Variants in BLM observed in about 807,000 individuals in gnomAD.
The protein encoded by BLM is BLM RecQ like helicase.
A neutral mutation model predicts 135.3 loss-of-function variants in BLM; 95 were observed. The ratio of observed to expected loss-of-function variants is 0.70; its 90% CI spans 0.59 to 0.83. The LOEUF (loss-of-function observed/expected upper bound fraction) is 0.83, where lower values mean the gene tolerates loss of function less well. BLM is among the 40% of genes least tolerant of loss of function. The pLI is 0.00. For missense variants in BLM, 1,518 were observed against 1,663.9 expected (o/e 0.91, Z 1.53); for synonymous variants, 520 against 589.2 (o/e 0.88, Z 1.70).
rs970793829 is a variant in BLM, at chr15:90,749,502, C to T, written c.234C>T (p.Pro78=). The T allele has an allele frequency of 6.2e-7, 1 of 1,614,088 alleles. No homozygotes were observed. Among genetic ancestry groups the T allele is most frequent in the East Asian group, 2.2e-5 (1 of 44,874 alleles). ...ACTTTTCCTTCAGTGAACCTCTACC[C>T]AACACCACAAATCAGCAAAGGGTCA... The part of the protein sequence containing the change: ...TEDFSFSEPL[P]NTTNQQRVKD... Residue 78 remains proline (P), a synonymous_variant, in exon 3 of 22, where the codon CCC becomes CCT. Transcript: ENST00000355112.
chr15:90,806,178 G>A (rs887280438), intron 19 of BLM, among the ~76,000 whole-genome samples: 11 of 152,006 alleles, frequency 7.2e-5, no homozygotes, highest in African/African-American at 2.4e-4. Flanking sequence ...AATATAGTTG[G>A]CATCTTAGAT....
rs914105759 is a variant in BLM, at chr15:90,746,990, G to A, written c.-4-399G>A. On this transcript the variant is annotated intron_variant, in intron 1 of 21. Transcript: ENST00000355112. ...TATTCATTTGTTCTTTGGGCTTTCC[G>A]TGTGCTTTGATCATTTCCTCCCACC... Among the ~76,000 whole-genome samples the A allele has an allele frequency of 2.6e-5, 4 of 151,914 alleles. No individual in the cohort carries two copies. The South Asian group carries it at 6.2e-4, about 24-fold the overall frequency.
At chr15:90,756,225 T>A (rs1895814833) in intron 5 of BLM, among the ~76,000 whole-genome samples, 1 of 151,994 alleles carries the variant, frequency 6.6e-6, no homozygotes, top group Non-Finnish European at 1.5e-5. Context: ...TGCCTCAGCC[T>A]CCTGATTAGC....
chr15:90,766,880 A>G, intron 9 of BLM, 30 bp from the exon 10 acceptor site: 4 of 1,410,026 alleles, frequency 2.8e-6, no homozygotes, highest in South Asian at 1.2e-5. Flanking sequence ...AATGTATAAA[A>G]TTGAAATTGT....
At chr15:90,777,227 C>T (rs1042325048) in intron 12 of BLM, among the ~76,000 whole-genome samples, 1 of 152,184 alleles carries the variant, frequency 6.6e-6, no homozygotes, top group Non-Finnish European at 1.5e-5. Context: ...CAGTAGCTCA[C>T]CGCAACCTCC....
intron 4 of BLM, among the ~76,000 whole-genome samples, chr15:90,753,049 T>G (rs1025682897): frequency 6.6e-6 from 1 of 152,212 alleles, no homozygotes; most frequent in African/African-American, 2.4e-5. Context: ...TATAATCATT[T>G]TAACAAGGAT....
chr15:90,780,277 G>T (rs1896587062), intron 12 of BLM, among the ~76,000 whole-genome samples: 1 of 152,066 alleles, frequency 6.6e-6, no homozygotes, highest in South Asian at 2.1e-4. Context: ...TAGAGACAGG[G>T]TTTCACCATG....
At chr15:90,806,354 T>A (rs1402407094) in intron 19 of BLM, among the ~76,000 whole-genome samples, 1 of 151,992 alleles carries the variant, frequency 6.6e-6, no homozygotes, top group Admixed American at 6.6e-5. Context: ...CTACTAAGAA[T>A]ACAAAAATTA....
At chr15:90,811,491 T>A in intron 21 of BLM, 85 bp downstream of exon 21, 1 of 1,407,448 alleles carries the variant, frequency 7.1e-7, no homozygotes, top group African/African-American at 1.4e-5. Context: ...TTTGAAGGAT[T>A]TATTAAAATA....
Position 90,815,617 on chromosome 15 carries a change from C to A in BLM, c.*338C>A. On this transcript the variant is annotated 3_prime_UTR_variant, in exon 22 of 22. Transcript: ENST00000355112. The surrounding 1 kb of genome is among the most constrained non-coding windows in gnomAD (Gnocchi z 4.6). ...GGGCCCTTGTGAAACTAAAGCTTTT[C>A]GTGTAAGACAACACAAACAAAATTT... The A allele has an allele frequency of 3.2e-6, 1 of 313,686 alleles. No homozygotes were observed. Among genetic ancestry groups the A allele is most frequent in the Non-Finnish European group, 6.0e-6 (1 of 167,276 alleles). The allele number at this position is 313,686 out of a possible 1,614,324, so 19.4% of individuals were successfully genotyped here.
At chr15:90,773,482 A>C (rs1336131205) in intron 12 of BLM, among the ~76,000 whole-genome samples, 1 of 151,524 alleles carries the variant, frequency 6.6e-6, no homozygotes, top group Non-Finnish European at 1.5e-5. Context: ...CATACCATAA[A>C]ATTCACCTAA....
intron 1 of BLM, among the ~76,000 whole-genome samples, chr15:90,731,226 A>G (rs539708555): frequency 6.6e-6 from 1 of 152,306 alleles, no homozygotes; most frequent in African/African-American, 2.4e-5. Flanking sequence ...GGTGTGAGTC[A>G]TCATGCCCGT....
intron 13 of BLM, 94 bp downstream of exon 13, chr15:90,783,022 T>C: frequency 9.9e-7 from 1 of 1,006,670 alleles, no homozygotes; most frequent in Admixed American, 2.0e-5. Flanking sequence ...AACATTCCTT[T>C]TTGCATTATG....
intron 14 of BLM, chr15:90,790,196 G>A (rs1332587794): frequency 4.7e-6 from 1 of 214,994 alleles, no homozygotes; most frequent in African/African-American, 2.3e-5. Flanking sequence ...CTGAACCATT[G>A]GAGGAACTAG....
At chr15:90,793,350 G>A (rs1896953559) in intron 15 of BLM, among the ~76,000 whole-genome samples, 4 of 152,014 alleles carry the variant, frequency 2.6e-5, no homozygotes, top group Non-Finnish European at 5.9e-5. Context: ...GGCCAGGCTG[G>A]TCTCAAGCTC....
rs1050583942 is a variant in BLM at position 90,749,658 on chromosome 15, A to G, written c.390A>G (p.Lys130=). The change falls in exon 3 of 22, where the codon AAA becomes AAG. Residue 130 remains lysine, a synonymous_variant. Coordinates refer to ENST00000355112, the MANE Select transcript of BLM (RefSeq NM_000057.4). The part of the protein sequence containing the change: ...CTTQNTPTVK[K]SRDTALKKLE... ...CCCAAAACACACCAACTGTAAAGAAATCCCGGGATACTGCTCTCAAGAAAT... is the reference window on the plus strand; with the variant it reads ...CCCAAAACACACCAACTGTAAAGAAGTCCCGGGATACTGCTCTCAAGAAAT... 4 of 1,614,168 alleles carry G rather than the reference A, an allele frequency of 2.5e-6. No homozygotes were observed. The highest frequency in any genetic ancestry group is 3.4e-6 in the Non-Finnish European group (4 of 1,180,020).
Position 90,731,283 on chromosome 15 carries a change from A to G in BLM, c.-5+13843A>G, listed in dbSNP as rs112213246. ...ATGGCTAGATTTACTTTGCTAACAT[A>G]TTGTTTGGGACTTTTGCATCTACAT... On this transcript the variant is annotated intron_variant, in intron 1 of 21. Transcript: ENST00000355112. Among the ~76,000 whole-genome samples the G allele has an allele frequency of 1.9e-3, 293 of 152,224 alleles. 3 individuals carry two copies. The highest frequency in any genetic ancestry group is 6.8e-3 in the African/African-American group (284 of 41,530).
chr15:90,783,832 A>T (rs1204335740), intron 13 of BLM, among the ~76,000 whole-genome samples: 1 of 152,206 alleles, frequency 6.6e-6, no homozygotes, highest in Non-Finnish European at 1.5e-5. Context: ...CAGAGGTTGC[A>T]GTGAGTTGAG....
intron 5 of BLM, among the ~76,000 whole-genome samples, chr15:90,757,480 G>C (rs1358593504): frequency 2.0e-5 from 3 of 152,152 alleles, no homozygotes; most frequent in Non-Finnish European, 4.4e-5. Context: ...TTTCCAATCT[G>C]ATGCTTGTTT....
Sources: gnomAD v4.1 joint callset for allele counts (sites outside exome capture counted in the v4.1 genomes callset) on GRCh38, gnomAD v4.1.1 for gene constraint, Gnocchi (gnomAD v3.1) non-coding constraint, MANE v1.5 for transcripts, NCBI Gene and HGNC (gene_info 2026-07-23, HGNC 2026-07-21) for gene names.